Variants in KALRN observed in about 807,000 individuals in gnomAD.
KALRN encodes the protein kalirin RhoGEF kinase.
KALRN carries 70 observed loss-of-function variants against 353.7 expected under a neutral mutation model. The ratio of observed to expected loss-of-function variants is 0.20; its 90% confidence interval spans 0.16 to 0.24. The LOEUF is 0.24. KALRN is among the 10% of genes least tolerant of loss of function. The pLI, the probability that KALRN is intolerant of heterozygous loss-of-function variation, is 1.00. For missense variants in KALRN, 2,791 were observed against 3,756.7 expected (o/e 0.74, Z 6.72); for synonymous variants, 1,391 against 1,434.8 (o/e 0.97, Z 0.69).
At chr3:124,325,089 C>T (rs909209267) in intron 6 of KALRN, among the ~76,000 whole-genome samples, 5 of 152,118 alleles carry the variant, frequency 3.3e-5, no homozygotes, top group African/African-American at 7.2e-5. Flanking sequence ...TCTTTTGTCT[C>T]GTTCCTTCCT....
intron 27 of KALRN, among the ~76,000 whole-genome samples, chr3:124,482,588 CCTT>C (rs1246654990): frequency 6.6e-6 from 1 of 151,984 alleles, no homozygotes; most frequent in Non-Finnish European, 1.5e-5. Context: ...TTTCCCTAAT[CCTT>C]CTCCCTTTTT....
intron 8 of KALRN, among the ~76,000 whole-genome samples, chr3:124,332,781 G>A (rs2080724620): frequency 6.6e-6 from 1 of 152,154 alleles, no homozygotes; most frequent in South Asian, 2.1e-4. Flanking sequence ...AATGAGGATT[G>A]TACTGCTTTT....
intron 37 of KALRN, among the ~76,000 whole-genome samples, chr3:124,643,303 A>G (rs2150005183): frequency 6.6e-6 from 1 of 152,060 alleles, no homozygotes; most frequent in Admixed American, 6.5e-5. Flanking sequence ...GTGAGCCACC[A>G]TGCCCAGCCT....
At chr3:124,258,439 C>T (rs1456076274) in intron 3 of KALRN, among the ~76,000 whole-genome samples, 4 of 152,150 alleles carry the variant, frequency 2.6e-5, no homozygotes, top group African/African-American at 7.2e-5. Context: ...ATTTCTTTGA[C>T]GTCATTCCTC....
intron 10 of KALRN, among the ~76,000 whole-genome samples, chr3:124,380,896 G>T (rs1462787691): frequency 1.3e-5 from 2 of 152,142 alleles, no homozygotes; most frequent in Non-Finnish European, 2.9e-5. Flanking sequence ...TAGTTGATGA[G>T]GAGTGAGGGT....
rs578146564 is a variant in KALRN, at chr3:124,167,981, T to C, written c.74-60009T>C. Among the ~76,000 whole-genome samples, 4 of 152,260 alleles carry C rather than the reference T, an allele frequency of 2.6e-5. No homozygotes were observed. The South Asian group carries it at 6.2e-4, about 24-fold the overall frequency. On this transcript the variant is annotated intron_variant, in intron 1 of 59. Transcript: ENST00000682506. Reference sequence around the variant, plus strand: ...CCCCTGCCCTCAGATGAGAGTTGTATAGTTAGGGAGCTGCTAAGGACCCAC... The same window carrying C: ...CCCCTGCCCTCAGATGAGAGTTGTACAGTTAGGGAGCTGCTAAGGACCCAC...
intron 1 of KALRN, among the ~76,000 whole-genome samples, chr3:124,062,734 G>A (rs985416167): frequency 6.6e-6 from 1 of 152,298 alleles, no homozygotes; most frequent in African/African-American, 2.4e-5. Flanking sequence ...GGAGAATACT[G>A]TGAAAGGAAG....
Position 124,598,130 on chromosome 3 carries a change from G to A in KALRN, c.5183-34290G>A, listed in dbSNP as rs1212148994. ...ATTCCACAGAAATCTGTCCCACAGT[G>A]GCCACTTGTTTCTGGTATTTACAAA... On this transcript the variant is annotated intron_variant, in intron 34 of 59. Transcript: ENST00000682506. 3.9e-5 allele frequency among the ~76,000 whole-genome samples: 6 copies of A among 152,198 alleles called. No homozygotes were observed. In the South Asian group the frequency reaches 1.2e-3, roughly 32 times the overall value.
In KALRN at chr3:124,388,561, G is replaced by A. The variant is rs571110037; in HGVS notation, c.1962+3525G>A. On this transcript the variant is annotated intron_variant, in intron 11 of 59. Transcript: ENST00000682506. ...GAATAAATGGGTTTACTTGACAATG[G>A]GAAGCTAGTCTCTCCTAAGAAAAGT... is the stretch of plus-strand genomic sequence containing the variant. Among the ~76,000 whole-genome samples the A allele has an allele frequency of 2.6e-5, 4 of 152,190 alleles. No homozygotes were observed. In the South Asian group the frequency reaches 8.3e-4, roughly 32 times the overall value.
rs377571760 is a variant in KALRN at position 124,122,102 on chromosome 3, C to T, written c.73+88289C>T. ...TGAGTGGTGCCAGAGAGTTTGGCTG[C>T]GGTGGTTGTGATGGAAATTCTGCAG... On this transcript the variant is annotated intron_variant, in intron 1 of 59. Transcript: ENST00000682506. Among the ~76,000 whole-genome samples, 10 of 152,020 alleles carry T rather than the reference C, an allele frequency of 6.6e-5. No homozygotes were observed. In the East Asian group the frequency reaches 1.5e-3, roughly 23 times the overall value.
At chr3:124,604,949 G>A (rs1218907873) in intron 34 of KALRN, among the ~76,000 whole-genome samples, 1 of 152,034 alleles carries the variant, frequency 6.6e-6, no homozygotes, top group East Asian at 1.9e-4. Flanking sequence ...TAAGCCAGGG[G>A]TTCCAAACCA....
chr3:124,591,605 A>G (rs1207301677), intron 34 of KALRN, among the ~76,000 whole-genome samples: 2 of 152,218 alleles, frequency 1.3e-5, no homozygotes, highest in Admixed American at 6.5e-5. Context: ...AATGACATTT[A>G]CCCCATTGAG....
intron 11 of KALRN, among the ~76,000 whole-genome samples, chr3:124,386,322 T>C (rs540457378): frequency 2.0e-5 from 3 of 152,296 alleles, no homozygotes; most frequent in Admixed American, 2.0e-4. Flanking sequence ...GCCATGTGTA[T>C]TCCCTTTTAA....
intron 33 of KALRN, among the ~76,000 whole-genome samples, chr3:124,528,964 C>A (rs1457396956): frequency 6.6e-6 from 1 of 152,176 alleles, no homozygotes; most frequent in Non-Finnish European, 1.5e-5. Flanking sequence ...TTTGTCCTAT[C>A]CTGATAAAAA....
intron 1 of KALRN, among the ~76,000 whole-genome samples, chr3:124,113,243 AT>A (rs1273946325): frequency 1.3e-5 from 2 of 152,128 alleles, no homozygotes; most frequent in Admixed American, 1.3e-4. Flanking sequence ...TGCCAATAAT[AT>A]CCTATGTTTA....
chr3:124,495,729 T>TAAAAAAAA (rs1170201040), intron 32 of KALRN, among the ~76,000 whole-genome samples: 5 of 68,228 alleles, frequency 7.3e-5, no homozygotes, highest in African/African-American at 1.2e-4. Context: ...GACTCCATCT[T>TAAAAAAAA]AAAAAAAAAA....
rs771255411 is a variant in KALRN, at chr3:124,446,153, G to GCC, written c.3314-6_3314-5dup. The GCC allele has an allele frequency of 5.6e-6, 9 of 1,605,034 alleles. No individual in the cohort carries two copies. The highest frequency in any genetic ancestry group is 6.8e-6 in the Non-Finnish European group (8 of 1,172,224). On this transcript the variant is annotated splice_polypyrimidine_tract_variant and splice_region_variant and intron_variant, in intron 19 of 59. Coordinates refer to ENST00000682506, the MANE Select transcript of KALRN (RefSeq NM_001388419.1). ...CTTGTGACCATCATGCATCTCCTCT[G>GCC]CCCACAGCCATCCTGAGTGAGCTCC...
chr3:124,402,831 TG>T (rs2091043203), intron 13 of KALRN, among the ~76,000 whole-genome samples: 1 of 152,352 alleles, frequency 6.6e-6, no homozygotes, highest in Admixed American at 6.5e-5. Flanking sequence ...AATTATTTTT[TG>T]CCTGGTTTCT....
At chr3:124,468,514 A>C (rs974501942) in intron 25 of KALRN, among the ~76,000 whole-genome samples, 1 of 152,194 alleles carries the variant, frequency 6.6e-6, no homozygotes, top group African/African-American at 2.4e-5. Flanking sequence ...CTTGCTTAAA[A>C]TGTGCATGTT....
Sources: gnomAD v4.1 joint callset for allele counts (sites outside exome capture counted in the v4.1 genomes callset) on GRCh38, gnomAD v4.1.1 for gene constraint, MANE v1.5 for transcripts, NCBI Gene and HGNC (gene_info 2026-07-23, HGNC 2026-07-21) for gene names.